CADPS: variants seen among roughly 807,000 people sequenced by gnomAD.
The protein encoded by CADPS is calcium-dependent secretion activator 1.
Under a neutral mutation model 167.3 loss-of-function variants are expected in CADPS, and 57 were observed. The observed-to-expected ratio is 0.34, with a 90% CI of 0.28 to 0.42. CADPS has a LOEUF of 0.42. Ranked by LOEUF, CADPS falls within the 20% of genes least tolerant of loss-of-function variation. CADPS has a pLI of 1.00. For synonymous variants in CADPS, 676 were observed against 635.3 expected (o/e 1.06, Z -0.96); for missense variants, 1,414 against 1,738.1 (o/e 0.81, Z 3.32).
intron 3 of CADPS, among the ~76,000 whole-genome samples, chr3:62,674,665 G>A (rs955666128): frequency 2.0e-5 from 3 of 152,020 alleles, no homozygotes; most frequent in Admixed American, 6.6e-5. Context: ...GAAAAAGAAC[G>A]AACTAAAAAA....
At chr3:62,785,499 C>T (rs1011882349) in intron 1 of CADPS, among the ~76,000 whole-genome samples, 13 of 152,166 alleles carry the variant, frequency 8.5e-5, no homozygotes, top group African/African-American at 3.1e-4. Flanking sequence ...TATAGAACTG[C>T]ATTACTCACC....
chr3:62,522,677 G>A (rs1160034271), intron 13 of CADPS, among the ~76,000 whole-genome samples: 3 of 152,062 alleles, frequency 2.0e-5, no homozygotes, highest in African/African-American at 7.2e-5. Context: ...CCTTCACAAC[G>A]TTCCAAATTT....
Position 62,438,714 on chromosome 3 carries a change from A to AC in CADPS, c.3670-504_3670-503insG. ...CTATACCTCTTCCTACCCAAGTCTC[A>AC]TTGTGTGTGTGTGTGTGTGTGTGTG... is the stretch of plus-strand genomic sequence containing the variant. On this transcript the variant is annotated intron_variant, in intron 27 of 29. Coordinates refer to ENST00000383710, the MANE Select transcript of CADPS (RefSeq NM_003716.4). This position sits in a 1 kb window ranked among gnomAD's most constrained non-coding sequence, Gnocchi z 4.7. The AC allele has an allele frequency of 9.3e-6, 1 of 107,594 alleles. No individual in the cohort carries two copies. The highest frequency in any genetic ancestry group is 3.4e-5 in the African/African-American group (1 of 29,602). The allele number at this position is 107,594 out of a possible 1,614,324, so 6.7% of individuals were successfully genotyped here. A position where few individuals can be genotyped will look rare whatever the true frequency, so the allele number is the denominator to read the frequency against.
intron 3 of CADPS, among the ~76,000 whole-genome samples, chr3:62,697,441 T>C (rs754878320): frequency 6.6e-6 from 1 of 152,116 alleles, no homozygotes; most frequent in Non-Finnish European, 1.5e-5. Context: ...CATTAATTCA[T>C]TCTTTTTTAT....
chr3:62,735,766 C>T (rs504665), intron 3 of CADPS, among the ~76,000 whole-genome samples: 48,974 of 152,028 alleles, frequency 0.32, 8,606 homozygotes, highest in African/African-American at 0.46. Context: ...CTATCCCTAC[C>T]ACCTTTTCTT....
At position 62,412,059 on chromosome 3, in the gene CADPS, C is replaced by T. The variant is rs1311843214; in HGVS notation, c.3778-8874G>A. ...CCAAAGCTATAATCAGACACCGAAG[C>T]TCTAAACAGACACCAAAATCAGAGG... is the stretch of plus-strand genomic sequence containing the variant. On this transcript the variant is annotated intron_variant, in intron 28 of 29. Coordinates refer to ENST00000383710, the MANE Select transcript of CADPS (RefSeq NM_003716.4). The surrounding 1 kb of genome is among the most constrained non-coding windows in gnomAD (Gnocchi z 4.1). Among the ~76,000 whole-genome samples the T allele has an allele frequency of 1.3e-5, 2 of 152,050 alleles. No individual in the cohort carries two copies. Among genetic ancestry groups the T allele is most frequent in the Non-Finnish European group, 2.9e-5 (2 of 68,026 alleles).
intron 17 of CADPS, among the ~76,000 whole-genome samples, chr3:62,511,221 T>G (rs2067750914): frequency 1.3e-5 from 2 of 152,178 alleles, no homozygotes; most frequent in African/African-American, 4.8e-5. Context: ...CTCAGCATTA[T>G]TATGGCATAG....
intron 11 of CADPS, among the ~76,000 whole-genome samples, chr3:62,537,141 A>G (rs1160905914): frequency 6.6e-6 from 1 of 152,204 alleles, no homozygotes; most frequent in African/African-American, 2.4e-5. Flanking sequence ...AAATAAAAAA[A>G]ACGATTTTCA....
chr3:62,777,356 G>C (rs892353227), intron 1 of CADPS, among the ~76,000 whole-genome samples: 1 of 152,246 alleles, frequency 6.6e-6, no homozygotes, highest in East Asian at 1.9e-4. Flanking sequence ...GAAGGTACAA[G>C]TGATTGGCAG....
At chr3:62,537,413 C>T (rs972457368) in intron 11 of CADPS, among the ~76,000 whole-genome samples, 4 of 152,134 alleles carry the variant, frequency 2.6e-5, no homozygotes, top group African/African-American at 7.2e-5. Flanking sequence ...CTATACTCAA[C>T]AGGCAAAATA....
chr3:62,786,760 T>A (rs1250089812), intron 1 of CADPS, among the ~76,000 whole-genome samples: 1 of 152,112 alleles, frequency 6.6e-6, no homozygotes, highest in East Asian at 1.9e-4. Context: ...AACTAAGAAT[T>A]TTAGTAAGTT....
intron 28 of CADPS, among the ~76,000 whole-genome samples, chr3:62,431,201 G>A (rs181192034): frequency 6.6e-6 from 1 of 152,208 alleles, no homozygotes; most frequent in East Asian, 1.9e-4. Context: ...CAATAGTATG[G>A]GTATGTGTGT....
At chr3:62,808,870 C>T (rs1243016903) in intron 1 of CADPS, among the ~76,000 whole-genome samples, 3 of 152,150 alleles carry the variant, frequency 2.0e-5, no homozygotes, top group African/African-American at 4.8e-5. Flanking sequence ...AAACCTAACA[C>T]AACCCAAACA....
chr3:62,534,268 G>A (rs1044549044), intron 12 of CADPS, among the ~76,000 whole-genome samples: 3 of 152,148 alleles, frequency 2.0e-5, no homozygotes, highest in South Asian at 2.1e-4. Context: ...CATCTTGGGA[G>A]AGAAAAGGCA....
At chr3:62,870,403 C>T (rs1057097750) in intron 1 of CADPS, among the ~76,000 whole-genome samples, 7 of 152,104 alleles carry the variant, frequency 4.6e-5, no homozygotes, top group African/African-American at 1.7e-4. Flanking sequence ...CTCTCACACA[C>T]ATATATAGTT....
chr3:62,708,838 C>T (rs952576513), intron 3 of CADPS, among the ~76,000 whole-genome samples: 3 of 151,880 alleles, frequency 2.0e-5, no homozygotes, highest in African/African-American at 2.4e-5. Flanking sequence ...GGGGTAGGGG[C>T]GGAGTAAGAG....
intron 9 of CADPS, among the ~76,000 whole-genome samples, chr3:62,559,407 A>G (rs1375439152): frequency 6.6e-6 from 1 of 152,080 alleles, no homozygotes; most frequent in African/African-American, 2.4e-5. Context: ...GGCCTTTCCA[A>G]CTTGTTATTA....
intron 1 of CADPS, among the ~76,000 whole-genome samples, chr3:62,849,200 TAAAC>T (rs1435135518): frequency 6.7e-6 from 1 of 149,952 alleles, no homozygotes; most frequent in Non-Finnish European, 1.5e-5. Context: ...GTTTTCTAGA[TAAAC>T]AATCATGTCG....
chr3:62,581,729 G>T (rs2083470846), intron 8 of CADPS, among the ~76,000 whole-genome samples: 1 of 151,866 alleles, frequency 6.6e-6, no homozygotes. Flanking sequence ...AAATGTCAAG[G>T]ATTACTTCAA....
Sources: allele counts gnomAD v4.1 joint callset (sites outside exome capture counted in the v4.1 genomes callset), GRCh38; gene constraint gnomAD v4.1.1; non-coding constraint Gnocchi (gnomAD v3.1); transcripts MANE v1.5; gene names NCBI Gene and HGNC (gene_info 2026-07-23, HGNC 2026-07-21).